Variants in TBC1D9 observed in about 807,000 individuals in gnomAD.
TBC1D9 encodes TBC1 domain family member 9.
Under a neutral mutation model 132.0 loss-of-function variants are expected in TBC1D9, and 63 were observed. The observed-to-expected ratio is 0.48, with a 90% CI of 0.39 to 0.59. The LOEUF is 0.59. Ranked by LOEUF, TBC1D9 falls within the 20% of genes least tolerant of loss-of-function variation. TBC1D9 has a pLI of 0.00. For missense variants in TBC1D9, 1,261 were observed against 1,592.7 expected, an observed-to-expected ratio of 0.79 and a Z score of 3.54; for synonymous variants, 610 against 609.9, an observed-to-expected ratio of 1.00 and a Z score of 0.00.
At chr4:140,643,308 AG>A in intron 13 of TBC1D9, 1 of 1,321,894 alleles carries the variant, frequency 7.6e-7, no homozygotes, top group South Asian at 1.3e-5. Context: ...CTCCAAGACA[AG>A]GCTCTCGGCA....
chr4:140,660,609 G>A (rs959749400), intron 10 of TBC1D9, among the ~76,000 whole-genome samples: 1 of 152,176 alleles, frequency 6.6e-6, no homozygotes, highest in Admixed American at 6.6e-5. Context: ...TCATTTAGCG[G>A]AGATAGGTTT....
intron 1 of TBC1D9, among the ~76,000 whole-genome samples, chr4:140,754,936 C>A (rs146143559): frequency 0.01 from 1,570 of 152,236 alleles, 32 homozygotes; most frequent in African/African-American, 0.035. Flanking sequence ...CATAGCACAG[C>A]ATTTGAAAGC....
chr4:140,704,374 C>T (rs1293002162), intron 1 of TBC1D9, among the ~76,000 whole-genome samples: 2 of 149,408 alleles, frequency 1.3e-5, no homozygotes, highest in Admixed American at 1.3e-4. Context: ...ACACCCCAGC[C>T]TGGGCAACAG....
chr4:140,659,331 G>C (rs1398049022), intron 11 of TBC1D9: 1 of 284,342 alleles, frequency 3.5e-6, no homozygotes, highest in African/African-American at 2.2e-5. Context: ...TCACATGTCA[G>C]AGTGACACAC....
intron 2 of TBC1D9, among the ~76,000 whole-genome samples, chr4:140,699,248 G>A (rs1407508399): frequency 1.3e-5 from 2 of 152,128 alleles, no homozygotes; most frequent in Admixed American, 1.3e-4. Context: ...TAAATTTACT[G>A]TGCAAGAGAA....
rs370732545 is a variant in TBC1D9 at position 140,628,286 on chromosome 4, T to C, written c.2812+14A>G. ...GGTTACAGACACAAGTACTGCTCCATGTAGCTCACTCACCAGGCAAGACGT... is the reference window on the plus strand; with the variant it reads ...GGTTACAGACACAAGTACTGCTCCACGTAGCTCACTCACCAGGCAAGACGT... On this transcript the variant is annotated intron_variant, in intron 17 of 20. Coordinates refer to ENST00000442267, the MANE Select transcript of TBC1D9 (RefSeq NM_015130.3). 39 of 1,613,634 alleles carry C rather than the reference T, an allele frequency of 2.4e-5. No homozygotes were observed. The South Asian group carries it at 3.4e-4, about 14-fold the overall frequency.
At chr4:140,709,495 G>A (rs2111046721) in intron 1 of TBC1D9, among the ~76,000 whole-genome samples, 1 of 111,144 alleles carries the variant, frequency 9.0e-6, no homozygotes, top group Non-Finnish European at 2.0e-5. Flanking sequence ...TGATGCATAT[G>A]GAATACTAAA....
intron 13 of TBC1D9, chr4:140,641,787 T>C (rs1244337725): frequency 8.0e-6 from 2 of 249,972 alleles, no homozygotes; most frequent in Non-Finnish European, 1.6e-5. Context: ...ATTTGGCCGA[T>C]ACAGCAGGCT....
At chr4:140,720,300 A>T (rs1259341535) in intron 1 of TBC1D9, among the ~76,000 whole-genome samples, 1 of 152,182 alleles carries the variant, frequency 6.6e-6, no homozygotes, top group East Asian at 1.9e-4. Context: ...TTCTGGGCTC[A>T]GGAGTCACAT....
intron 9 of TBC1D9, among the ~76,000 whole-genome samples, chr4:140,662,348 G>C (rs1439794727): frequency 6.6e-6 from 1 of 152,154 alleles, no homozygotes; most frequent in African/African-American, 2.4e-5. Flanking sequence ...CTAAGGTAGA[G>C]GTTCCCAAGC....
intron 3 of TBC1D9, 62 bp from the exon 4 acceptor site, chr4:140,679,905 T>C: frequency 7.3e-7 from 1 of 1,363,500 alleles, no homozygotes. Context: ...ATGTACATAT[T>C]CCAGAAGAAA....
intron 1 of TBC1D9, among the ~76,000 whole-genome samples, chr4:140,713,656 T>C (rs890480418): frequency 2.0e-5 from 3 of 151,904 alleles, no homozygotes; most frequent in East Asian, 3.9e-4. Flanking sequence ...GGAGGATCAC[T>C]TGAGCCCAGG....
At chr4:140,688,762 T>C (rs1737828259) in intron 2 of TBC1D9, among the ~76,000 whole-genome samples, 1 of 152,172 alleles carries the variant, frequency 6.6e-6, no homozygotes, top group South Asian at 2.1e-4. Context: ...GTCGACACAT[T>C]GTGGACAGCA....
intron 1 of TBC1D9, among the ~76,000 whole-genome samples, chr4:140,705,804 C>T (rs916774749): frequency 1.3e-5 from 2 of 152,116 alleles, no homozygotes; most frequent in African/African-American, 2.4e-5. Context: ...CCACACAAAG[C>T]GCTGTTTTAG....
chr4:140,685,513 G>C (rs1367803580), intron 3 of TBC1D9, among the ~76,000 whole-genome samples: 2 of 152,180 alleles, frequency 1.3e-5, no homozygotes, highest in East Asian at 1.9e-4. Flanking sequence ...ACAAGGAAAG[G>C]CTATGGAAAT....
intron 1 of TBC1D9, among the ~76,000 whole-genome samples, chr4:140,719,090 G>C (rs1738382947): frequency 6.6e-6 from 1 of 151,030 alleles, no homozygotes; most frequent in Non-Finnish European, 1.5e-5. Context: ...ACTCCAGCCT[G>C]GGCGACAGAG....
In TBC1D9 at chr4:140,679,684, G is replaced by T; in HGVS notation, c.520C>A (p.Pro174Thr). The T allele has an allele frequency of 6.2e-7, 1 of 1,613,818 alleles. No individual in the cohort carries two copies. The highest frequency in any genetic ancestry group is 8.5e-7 in the Non-Finnish European group (1 of 1,179,826). ...YSCSYWKGKV[P>T]RQGWMYLSIN... ...CTGAGGTACATCCAACCCTGACGGG[G>T]GACCTTCCCCTTCCAATAGCTGCAA... is the stretch of plus-strand genomic sequence containing the variant. The change falls in exon 4 of 21, where the codon CCC (proline) becomes ACC (threonine). Residue 174 changes from proline (P) to threonine (T), a missense_variant. By Grantham distance (38) the Pro-to-Thr change is conservative (BLOSUM62 -1). This residue lies in a region of TBC1D9 where 550 missense variants were observed against 699.0 expected (regional missense o/e 0.79). Coordinates refer to ENST00000442267, the MANE Select transcript of TBC1D9 (RefSeq NM_015130.3).
At chr4:140,694,692 T>C (rs1486430215) in intron 2 of TBC1D9, among the ~76,000 whole-genome samples, 3 of 149,522 alleles carry the variant, frequency 2.0e-5, no homozygotes, top group Non-Finnish European at 3.0e-5. Context: ...ATCTGTTATA[T>C]ATTTATATAT....
chr4:140,642,749 T>C lies in TBC1D9; in HGVS notation c.2338-3321A>G, dbSNP rs562164071. ...TCTCTTCCTTATTCCTGCTCCCAGCTCATAGTCATCTGATGTCGGCAGAGA... is the reference window on the plus strand; with the variant it reads ...TCTCTTCCTTATTCCTGCTCCCAGCCCATAGTCATCTGATGTCGGCAGAGA... On this transcript the variant is annotated intron_variant, in intron 13 of 20. Coordinates refer to ENST00000442267, the MANE Select transcript of TBC1D9 (RefSeq NM_015130.3). The C allele has an allele frequency of 2.8e-5, 18 of 649,296 alleles. No individual in the cohort carries two copies. The South Asian group carries it at 3.0e-4, about 11-fold the overall frequency. 40.2% of individuals were successfully genotyped at this position (649,296 alleles called of 1,614,324 possible).
Sources: gnomAD v4.1 joint callset for allele counts (sites outside exome capture counted in the v4.1 genomes callset) on GRCh38, gnomAD v4.1.1 for gene constraint, gnomAD v4.1.1 regional missense constraint, MANE v1.5 for transcripts, NCBI Gene and HGNC (gene_info 2026-07-23, HGNC 2026-07-21) for gene names.